RPUSD1: variants seen among roughly 807,000 people sequenced by gnomAD.
The protein encoded by RPUSD1 is pseudouridylate synthase RPUSD1.
Under a neutral mutation model 22.4 loss-of-function variants are expected in RPUSD1, and 28 were observed. The ratio of observed to expected loss-of-function variants is 1.25; its 90% CI spans 0.93 to 1.72. The LOEUF (loss-of-function observed/expected upper bound fraction) is 1.72, where lower values mean the gene tolerates loss of function less well. RPUSD1 is among the 40% of genes most tolerant of loss of function. RPUSD1 has a pLI of 0.00. For missense variants in RPUSD1, 596 were observed against 442.2 expected (o/e 1.35, Z -3.12); for synonymous variants, 298 against 201.0 (o/e 1.48, Z -4.08).
Position 786,389 on chromosome 16 carries a change from G to C in RPUSD1, c.512-12C>G, listed in dbSNP as rs376572188. ...CTGGTGTGTCCGGCCTGCGGGATGA[G>C]GGCGGTGCCGGATCAAGCTGGGAGC... On this transcript the variant is annotated splice_polypyrimidine_tract_variant and intron_variant, in intron 5 of 5. Coordinates refer to ENST00000007264, the MANE Select transcript of RPUSD1 (RefSeq NM_058192.3). 2 of 1,595,996 alleles carry C rather than the reference G, an allele frequency of 1.3e-6. No individual in the cohort carries two copies. Among genetic ancestry groups the C allele is most frequent in the South Asian group, 1.1e-5 (1 of 90,156 alleles).
At chr16:788,114 C>G (rs918570734) in intron 1 of RPUSD1, 142 bp downstream of exon 1, 1 of 467,824 alleles carries the variant, frequency 2.1e-6, no homozygotes, top group Non-Finnish European at 4.1e-6. Flanking sequence ...GCCCGGCAGC[C>G]AGGTCTGCCC....
At chr16:787,288 G>T in intron 3 of RPUSD1, 66 bp downstream of exon 3, 1 of 1,549,282 alleles carries the variant, frequency 6.5e-7, no homozygotes, top group South Asian at 1.2e-5. Context: ...CTCTGAGCCA[G>T]GGCTGCCCAA....
intron 1 of RPUSD1, 115 bp downstream of exon 1, chr16:788,141 C>CT (rs907403251): frequency 3.1e-5 from 14 of 450,544 alleles, no homozygotes; most frequent in Non-Finnish European, 5.6e-5. Context: ...CGGGTTAGGG[C>CT]TGGGGCCTCC....
intron 5 of RPUSD1, 26 bp from the exon 6 acceptor site, chr16:786,403 C>A (rs750606632): frequency 2.5e-6 from 4 of 1,587,860 alleles, no homozygotes; most frequent in Middle Eastern, 2.0e-4. Context: ...GGTGCCGGAT[C>A]AAGCTGGGAG....
Position 787,480 on chromosome 16 carries a change from G to T in RPUSD1, c.183-3C>A. ...AGAAATCCAGCTGGTGGCAGAACCT[G>T]GAGTGGGACAGAGTCCAGAGTCTGA... is the stretch of plus-strand genomic sequence containing the variant. On this transcript the variant is annotated splice_region_variant and splice_polypyrimidine_tract_variant and intron_variant, in intron 2 of 5. Transcript: ENST00000007264. 3.1e-6 allele frequency: 5 copies of T among 1,589,104 alleles called. No individual in the cohort carries two copies. The highest frequency in any genetic ancestry group is 4.3e-6 in the Non-Finnish European group (5 of 1,168,034).
rs762007769 is a variant in RPUSD1 at position 786,141 on chromosome 16, G to C, written c.748C>G (p.Leu250Val). ...PHTLLQSLDQ[L>V]VQALRATPDP... Reference sequence around the variant, plus strand: ...GGGGTGGCCCGTAAGGCCTGCACGAGCTGGTCCAGCGACTGCAGCAGTGTG... The same window carrying C: ...GGGGTGGCCCGTAAGGCCTGCACGACCTGGTCCAGCGACTGCAGCAGTGTG... Residue 250 changes from leucine (L) to valine (V), a missense_variant, in exon 6 of 6, where the codon CTC (leucine) becomes GTC (valine). Leu to Val is a conservative substitution (Grantham distance 32). Transcript: ENST00000007264. 1 of 1,609,212 alleles carries C rather than the reference G, an allele frequency of 6.2e-7. No homozygotes were observed. Among genetic ancestry groups the C allele is most frequent in the South Asian group, 1.1e-5 (1 of 91,036 alleles).
At position 786,219 on chromosome 16, in the gene RPUSD1, C is replaced by T. The variant is rs1436705117; in HGVS notation, c.670G>A (p.Val224Ile). ...GGCAGGAAGGGGTCAGGCGTGCAGA[C>T]CTCCACACACTCGGTGTCCGTGGGG... ...RIPTDTECVE[V>I]CTPDPFLPSL... Residue 224 changes from valine (V) to isoleucine (I), a missense_variant, in exon 6 of 6, where the codon GTC becomes ATC. Val to Ile is a conservative substitution (Grantham distance 29). Coordinates refer to ENST00000007264, the MANE Select transcript of RPUSD1 (RefSeq NM_058192.3). 10 of 1,612,644 alleles carry T rather than the reference C, an allele frequency of 6.2e-6. No homozygotes were observed. Among genetic ancestry groups the T allele is most frequent in the East Asian group, 2.2e-5 (1 of 44,896 alleles).
In RPUSD1 at chr16:785,982, G is replaced by A; in HGVS notation, c.907C>T (p.Leu303=). The A allele has an allele frequency of 6.9e-7, 1 of 1,450,730 alleles. No homozygotes were observed. Among genetic ancestry groups the A allele is most frequent in the Admixed American group, 2.7e-5 (1 of 36,510 alleles). 89.9% of individuals were successfully genotyped at this position (1,450,730 alleles called of 1,614,324 possible). ...TCCGGTTCCAGCGTCCACTCCGACA[G>A]CCACTGCAGGCAGGGGCCCCGCTGT... ...EAQRGPCLQW[L]SEWTLEPDS is the part of the protein sequence containing the mutation. The change falls in exon 6 of 6, where the codon CTG becomes TTG. Residue 303 remains leucine, a synonymous_variant. Coordinates refer to ENST00000007264, the MANE Select transcript of RPUSD1 (RefSeq NM_058192.3).
At chr16:787,916 T>G in intron 1 of RPUSD1, 172 bp from the exon 2 acceptor site, 1 of 647,124 alleles carries the variant, frequency 1.5e-6, no homozygotes, top group South Asian at 1.9e-5. Flanking sequence ...CCCCAGGGCG[T>G]CAGCTGGGGA....
In RPUSD1 at chr16:786,465, C is replaced by A. The variant is rs1414668584; in HGVS notation, c.512-88G>T. On this transcript the variant is annotated intron_variant, in intron 5 of 5. Coordinates refer to ENST00000007264, the MANE Select transcript of RPUSD1 (RefSeq NM_058192.3). Reference sequence around the variant, plus strand: ...GACCAGGACCCACCTCCCGTCATGACCCCGCTGCAGTCTTGAAGCAGCCTC... The same window carrying A: ...GACCAGGACCCACCTCCCGTCATGAACCCGCTGCAGTCTTGAAGCAGCCTC... 1.5e-5 allele frequency: 21 copies of A among 1,357,784 alleles called. No homozygotes were observed. In the East Asian group the frequency reaches 4.8e-4, roughly 31 times the overall value. The allele number at this position is 1,357,784 out of a possible 1,614,324, so 84.1% of individuals were successfully genotyped here.
In RPUSD1 at chr16:785,294, A is replaced by G. The variant is rs1176586038; in HGVS notation, c.*656T>C. 6.6e-6 allele frequency: 1 copy of G among 152,534 alleles called. No homozygotes were observed. Among genetic ancestry groups the G allele is most frequent in the East Asian group, 1.9e-4 (1 of 5,198 alleles). 9.4% of individuals were successfully genotyped at this position (152,534 alleles called of 1,614,324 possible). On this transcript the variant is annotated 3_prime_UTR_variant, in exon 6 of 6. Coordinates refer to ENST00000007264, the MANE Select transcript of RPUSD1 (RefSeq NM_058192.3). ...GCACCAAACACCACACTGAGCTCAG[A>G]ATCCGGGCAGAGAGGGAACCACTGG...
At position 785,944 on chromosome 16, in the gene RPUSD1, C is replaced by CG. The variant is rs1555496454; in HGVS notation, c.*5dup. ...GCTGACACCCCCTGCCCCAGCCCCA[C>CG]GGCTCTCAGCTGTCCGGTTCCAGCG... is the stretch of plus-strand genomic sequence containing the variant. On this transcript the variant is annotated 3_prime_UTR_variant, in exon 6 of 6. Transcript: ENST00000007264. 7.0e-7 allele frequency: 1 copy of CG among 1,431,330 alleles called. No individual in the cohort carries two copies. The highest frequency in any genetic ancestry group is 9.1e-7 in the Non-Finnish European group (1 of 1,095,410). 88.7% of individuals were successfully genotyped at this position (1,431,330 alleles called of 1,614,324 possible).
chr16:787,885 T>TC (rs2042010135), intron 1 of RPUSD1, 141 bp from the exon 2 acceptor site: 1 of 756,246 alleles, frequency 1.3e-6, no homozygotes, highest in African/African-American at 1.8e-5. Context: ...TGCACCTGCA[T>TC]CCTCAGTCCC....
rs1457268805 is a variant in RPUSD1 at position 785,181 on chromosome 16, G to C, written c.*769C>G. 6.6e-6 allele frequency: 1 copy of C among 152,560 alleles called. No individual in the cohort carries two copies. The highest frequency in any genetic ancestry group is 1.5e-5 in the Non-Finnish European group (1 of 68,266). The allele number at this position is 152,560 out of a possible 1,614,324, so 9.5% of individuals were successfully genotyped here. ...GGCAGAGCTGCCAGCAGGGGCCCAA[G>C]AGACTGCAGCAGGTTGGTGCTCACA... is the stretch of plus-strand genomic sequence containing the variant. On this transcript the variant is annotated 3_prime_UTR_variant, in exon 6 of 6. Coordinates refer to ENST00000007264, the MANE Select transcript of RPUSD1 (RefSeq NM_058192.3).
Position 785,904 on chromosome 16 carries a change from G to T in RPUSD1, c.*46C>A. 7.2e-7 allele frequency: 1 copy of T among 1,397,276 alleles called. No individual in the cohort carries two copies. Among genetic ancestry groups the T allele is most frequent in the South Asian group, 1.6e-5 (1 of 62,016 alleles). The allele number at this position is 1,397,276 out of a possible 1,614,324, so 86.6% of individuals were successfully genotyped here. A position where few individuals can be genotyped will look rare whatever the true frequency, so the allele number is the denominator to read the frequency against. ...AGACGCTCGCTCGCCCATCTCCCTA[G>T]AGTCCCGCTGTGCAGCTGACACCCC... is the stretch of plus-strand genomic sequence containing the variant. On this transcript the variant is annotated 3_prime_UTR_variant, in exon 6 of 6. Transcript: ENST00000007264.
chr16:786,299 G>A lies in RPUSD1; in HGVS notation c.590C>T (p.Ser197Leu), dbSNP rs202097028. Residue 197 changes from serine to leucine, a missense_variant, in exon 6 of 6, where the codon TCG (serine) becomes TTG (leucine). Ser to Leu is a moderately radical substitution (Grantham distance 145). Transcript: ENST00000007264. ...TCTGAACGGCCGGTCCTCCCGGCCC[G>A]AGACTTCTCCGTAGGTCAGGTCGCC... ...VVGDLTYGEV[S>L]GREDRPFRMM... is the part of the protein sequence containing the mutation. 1.6e-5 allele frequency: 26 copies of A among 1,612,714 alleles called. No homozygotes were observed. The East Asian group carries it at 2.2e-4, about 14-fold the overall frequency.
Position 787,130 on chromosome 16 carries a change from C to G in RPUSD1, c.356G>C (p.Gly119Ala), listed in dbSNP as rs1199611729. Residue 119 changes from glycine to alanine, a missense_variant, in exon 4 of 6, where the codon GGC becomes GCC. Coordinates refer to ENST00000007264, the MANE Select transcript of RPUSD1 (RefSeq NM_058192.3). The part of the protein sequence containing the change: ...ESRVTISHAI[G>A]RNSTEGRAHT... ...GGCCCGGCCCTCCGTGCTGTTCCTG[C>G]CAATGGCATGGCTGATGGTTACCCG... 1 of 1,608,664 alleles carries G rather than the reference C, an allele frequency of 6.2e-7. No homozygotes were observed.
intron 5 of RPUSD1, 61 bp from the exon 6 acceptor site, chr16:786,438 C>CCTCCCGTCA (rs1239283627): frequency 1.3e-5 from 20 of 1,521,922 alleles, no homozygotes; most frequent in Middle Eastern, 4.5e-4. Context: ...ACCTATCTCC[C>CCTCCCGTCA]TGACCAGGAC....
At chr16:787,022 G>T (rs1052633058) in intron 4 of RPUSD1, 55 bp downstream of exon 4, 3 of 1,593,656 alleles carry the variant, frequency 1.9e-6, no homozygotes, top group Non-Finnish European at 2.6e-6. Context: ...GTCCCTGCCT[G>T]CCCAGGCCCA....
Sources: gnomAD v4.1 joint callset for allele counts on GRCh38, gnomAD v4.1.1 for gene constraint, MANE v1.5 for transcripts, NCBI Gene and HGNC (gene_info 2026-07-23, HGNC 2026-07-21) for gene names.